FANCI: variants seen among roughly 807,000 people sequenced by gnomAD.
The protein encoded by FANCI is FA complementation group I.
In FANCI, 156 loss-of-function variants were observed where a neutral mutation model predicts 176.1. The ratio of observed to expected loss-of-function variants is 0.89; its 90% CI spans 0.78 to 1.01. The LOEUF (loss-of-function observed/expected upper bound fraction) is 1.01. Ranked by LOEUF, FANCI falls within the 50% of genes least tolerant of loss-of-function variation. The probability of loss-of-function intolerance (pLI) is 0.00; values close to 1 mark genes in which losing one functional copy is unlikely to be tolerated. For missense variants in FANCI, 1,678 were observed against 1,534.1 expected, an observed-to-expected ratio of 1.09 and a Z score of -1.57; for synonymous variants, 613 against 541.7, an observed-to-expected ratio of 1.13 and a Z score of -1.83.
Position 89,316,417 on chromosome 15 carries a change from G to A in FANCI, c.3945G>A (p.Gly1315=). The part of the protein sequence containing the change: ...ENEEGTASEH[G]GQNKEPAKKK... ...TCTAGGGCACTGCATCAGAGCATGGGGGACAGAACAAAGAACCAGCCAAGA... is the reference window on the plus strand; with the variant it reads ...TCTAGGGCACTGCATCAGAGCATGGAGGACAGAACAAAGAACCAGCCAAGA... The change falls in exon 38 of 38, where the codon GGG becomes GGA. Residue 1315 remains glycine, a synonymous_variant. Transcript: ENST00000310775. 1 of 1,611,788 alleles carries A rather than the reference G, an allele frequency of 6.2e-7. No individual in the cohort carries two copies.
chr15:89,272,163 C>T (rs1272040933), intron 10 of FANCI, among the ~76,000 whole-genome samples: 1 of 152,162 alleles, frequency 6.6e-6, no homozygotes, highest in Non-Finnish European at 1.5e-5. Context: ...AACAGTACCT[C>T]ATTGAGGTTT....
rs112932178 is a variant in FANCI, at chr15:89,264,564, A to G, written c.712A>G (p.Ser238Gly). The stretch of plus-strand genomic sequence containing the variant: ...TTTGGAAGGAATCATAGCCTTCTTC[A>G]GTGCACTAGATAAGCAGCACAATGA... ...SVLEGIIAFF[S>G]ALDKQHNEEQ... Residue 238 changes from serine (S) to glycine (G), a missense_variant, in exon 9 of 38, where the codon AGT becomes GGT. Ser to Gly is a moderately conservative substitution (Grantham distance 56). Transcript: ENST00000310775. The G allele has an allele frequency of 1.1e-4, 185 of 1,613,816 alleles. No individual in the cohort carries two copies. The highest frequency in any genetic ancestry group is 1.4e-4 in the Non-Finnish European group (162 of 1,179,898).
chr15:89,268,461 T>C lies in FANCI; in HGVS notation c.818T>C (p.Leu273Pro). 2 of 1,614,216 alleles carry C rather than the reference T, an allele frequency of 1.2e-6. No homozygotes were observed. The highest frequency in any genetic ancestry group is 1.7e-6 in the Non-Finnish European group (2 of 1,180,016). The change falls in exon 10 of 38, where the codon CTA becomes CCA. Residue 273 changes from leucine to proline, a missense_variant. Coordinates refer to ENST00000310775, the MANE Select transcript of FANCI (RefSeq NM_001113378.2). ...ELRHVEGTII[L>P]HIVFAIKLDY... ...CGTCATGTGGAAGGCACCATTATTC[T>C]ACACATTGTGTTTGCCATCAAATTG...
At chr15:89,306,592 T>C (rs1426758520) in intron 32 of FANCI, among the ~76,000 whole-genome samples, 1 of 152,024 alleles carries the variant, frequency 6.6e-6, no homozygotes, top group Non-Finnish European at 1.5e-5. Flanking sequence ...CTCAGGAGGC[T>C]GAGGCAGGAG....
At chr15:89,274,107 G>A (rs1473610635) in intron 11 of FANCI, 61 bp from the exon 12 acceptor site, 5 of 1,251,290 alleles carry the variant, frequency 4.0e-6, no homozygotes, top group Non-Finnish European at 5.6e-6. Flanking sequence ...CTTTCATTCT[G>A]TTAGGTGCTT....
chr15:89,257,652 C>T lies in FANCI; in HGVS notation c.85-1052C>T, dbSNP rs573598575. Among the ~76,000 whole-genome samples, 4 of 152,312 alleles carry T rather than the reference C, an allele frequency of 2.6e-5. No homozygotes were observed. The South Asian group carries it at 8.3e-4, about 32-fold the overall frequency. On this transcript the variant is annotated intron_variant, in intron 2 of 37. Transcript: ENST00000310775. The stretch of plus-strand genomic sequence containing the variant: ...CCATCCTAATGACCTCAACTAATCT[C>T]ACCTACAAGAAGAGCCCAATTTCCA...
chr15:89,264,044 T>A lies in FANCI; in HGVS notation c.669+18T>A. 2.5e-6 allele frequency: 4 copies of A among 1,613,944 alleles called. No individual in the cohort carries two copies. Among genetic ancestry groups the A allele is most frequent in the Non-Finnish European group, 3.4e-6 (4 of 1,179,886 alleles). ...CCTCCAAGGTACAAATGGAAAATTGTTTCTCCTTAGTTCTGGTGGTATGAC... is the reference window on the plus strand; with the variant it reads ...CCTCCAAGGTACAAATGGAAAATTGATTCTCCTTAGTTCTGGTGGTATGAC... On this transcript the variant is annotated intron_variant, in intron 8 of 37. Coordinates refer to ENST00000310775, the MANE Select transcript of FANCI (RefSeq NM_001113378.2).
chr15:89,252,711 G>A (rs1291829564), intron 2 of FANCI, among the ~76,000 whole-genome samples: 1 of 152,198 alleles, frequency 6.6e-6, no homozygotes, highest in Non-Finnish European at 1.5e-5. Context: ...CTGTACTCCA[G>A]CCTGGGCCCC....
intron 18 of FANCI, among the ~76,000 whole-genome samples, chr15:89,288,979 C>A (rs2053945576): frequency 6.6e-6 from 1 of 151,714 alleles, no homozygotes; most frequent in African/African-American, 2.4e-5. Context: ...AGTCCAAATC[C>A]TTCCAATGAA....
rs759281018 is a variant in FANCI, at chr15:89,292,935, C to A, written c.2170-7C>A. On this transcript the variant is annotated splice_region_variant and splice_polypyrimidine_tract_variant and intron_variant, in intron 21 of 37. Coordinates refer to ENST00000310775, the MANE Select transcript of FANCI (RefSeq NM_001113378.2). Reference sequence around the variant, plus strand: ...TAGCTTGTTAATTTTTATCTTGTGTCTTTTAGGATAAATCAGCAGATTTTT... The same window carrying A: ...TAGCTTGTTAATTTTTATCTTGTGTATTTTAGGATAAATCAGCAGATTTTT... 2.5e-6 allele frequency: 4 copies of A among 1,614,014 alleles called. No individual in the cohort carries two copies. Among genetic ancestry groups the A allele is most frequent in the Non-Finnish European group, 2.5e-6 (3 of 1,179,988 alleles).
Position 89,281,312 on chromosome 15 carries a change from G to C in FANCI, c.1512+12G>C, listed in dbSNP as rs2053605360. On this transcript the variant is annotated intron_variant, in intron 15 of 37. Coordinates refer to ENST00000310775, the MANE Select transcript of FANCI (RefSeq NM_001113378.2). ...TTAAGGCAGTGCAGGTAAGTCTTCA[G>C]ATTCCCAAGTAACTTGCCAAAACTG... is the stretch of plus-strand genomic sequence containing the variant. The C allele has an allele frequency of 1.9e-6, 3 of 1,613,472 alleles. No homozygotes were observed. The highest frequency in any genetic ancestry group is 1.1e-5 in the South Asian group (1 of 91,038).
At position 89,305,396 on chromosome 15, in the gene FANCI, C is replaced by T. The variant is rs756578014; in HGVS notation, c.3242C>T (p.Ala1081Val). The stretch of plus-strand genomic sequence containing the variant: ...GCAATAGTGAATTTGAGAACGGCTG[C>T]CCCCACTGTCTGTGTAAGTGTTGTA... ...HFAIVNLRTA[A>V]PTVCLLVLSQ... The change falls in exon 30 of 38, where the codon GCC becomes GTC. Residue 1081 changes from alanine (A) to valine (V), a missense_variant. Ala to Val is a moderately conservative substitution (Grantham distance 64, BLOSUM62 0). This residue lies in a region of FANCI where 1,204 missense variants were observed against 1,077.4 expected (regional missense o/e 1.12). Transcript: ENST00000310775. 1 of 1,613,274 alleles carries T rather than the reference C, an allele frequency of 6.2e-7. No homozygotes were observed.
chr15:89,281,561 T>C (rs1373046588), intron 15 of FANCI, among the ~76,000 whole-genome samples: 1 of 152,208 alleles, frequency 6.6e-6, no homozygotes, highest in East Asian at 1.9e-4. Flanking sequence ...TTGACTACAA[T>C]AGATTTACAG....
intron 14 of FANCI, among the ~76,000 whole-genome samples, chr15:89,280,256 G>A (rs1391998034): frequency 6.6e-6 from 1 of 152,100 alleles, no homozygotes; most frequent in Non-Finnish European, 1.5e-5. Context: ...TCTTGACCTC[G>A]TGATCCACCT....
At chr15:89,257,466 G>T (rs184668144) in intron 2 of FANCI, among the ~76,000 whole-genome samples, 89 of 152,272 alleles carry the variant, frequency 5.8e-4, no homozygotes, top group African/African-American at 2.1e-3. Context: ...AATTTGTTCT[G>T]TGTCTCTCAC....
At chr15:89,265,938 G>A (rs1375358603) in intron 9 of FANCI, among the ~76,000 whole-genome samples, 2 of 151,850 alleles carry the variant, frequency 1.3e-5, no homozygotes, top group South Asian at 2.1e-4. Flanking sequence ...TATGGAAATC[G>A]AGAGACAAAG....
rs764167093 is a variant in FANCI at position 89,295,075 on chromosome 15, A to G, written c.2617A>G (p.Asn873Asp). The part of the protein sequence containing the change: ...DGQNPEKIFQ[N>D]LCDITRVLLW... ...CCAAAACCCAGAAAAGATCTTTCAG[A>G]ACCTCTGTGACATAACTCGGTAAGC... Residue 873 changes from asparagine to aspartate, a missense_variant, in exon 24 of 38, where the codon AAC (asparagine) becomes GAC (aspartate). By Grantham distance (23) the Asn-to-Asp change is conservative. Transcript: ENST00000310775. The G allele has an allele frequency of 2.4e-5, 37 of 1,551,720 alleles. No individual in the cohort carries two copies. Among genetic ancestry groups the G allele is most frequent in the Non-Finnish European group, 3.0e-5 (34 of 1,147,034 alleles).
chr15:89,289,376 C>T (rs765692803), intron 18 of FANCI, among the ~76,000 whole-genome samples: 1 of 152,224 alleles, frequency 6.6e-6, no homozygotes, highest in East Asian at 1.9e-4. Flanking sequence ...CGGGTCTCAG[C>T]TCACCACAAC....
chr15:89,249,447 A>C (rs957332672), intron 2 of FANCI, among the ~76,000 whole-genome samples: 6 of 152,234 alleles, frequency 3.9e-5, no homozygotes, highest in Admixed American at 3.9e-4. Context: ...TCCTGGGCTC[A>C]TGCGATCCTC....
Sources: gnomAD v4.1 joint callset for allele counts (sites outside exome capture counted in the v4.1 genomes callset) on GRCh38, gnomAD v4.1.1 for gene constraint, gnomAD v4.1.1 regional missense constraint, MANE v1.5 for transcripts, NCBI Gene and HGNC (gene_info 2026-07-23, HGNC 2026-07-21) for gene names.